Variants in ACACA observed in about 807,000 individuals in gnomAD.
The protein encoded by ACACA is acetyl-CoA carboxylase 1.
In ACACA, 103 loss-of-function variants were observed where a neutral mutation model predicts 296.1. That is an observed-to-expected ratio of 0.35 (90% CI 0.30 to 0.41). The LOEUF is 0.41. Ranked by LOEUF, ACACA falls within the 10% of genes least tolerant of loss-of-function variation. The probability of loss-of-function intolerance (pLI) is 1.00; values close to 1 mark genes in which losing one functional copy is unlikely to be tolerated. For synonymous variants in ACACA, 953 were observed against 1,038.6 expected, an observed-to-expected ratio of 0.92 and a Z score of 1.58; for missense variants, 1,554 against 2,989.7, an observed-to-expected ratio of 0.52 and a Z score of 11.20.
rs953300458 is a variant in ACACA, at chr17:37,265,260, T to C, written c.1120-1366A>G. On this transcript the variant is annotated intron_variant, in intron 10 of 55. Transcript: ENST00000616317. ...AACAGCAAAGTCACATTGCAAAGGGTGTACATACAGGAATGGGAGGAGTTA... is the reference window on the plus strand; with the variant it reads ...AACAGCAAAGTCACATTGCAAAGGGCGTACATACAGGAATGGGAGGAGTTA... 2.0e-5 allele frequency among the ~76,000 whole-genome samples: 3 copies of C among 152,092 alleles called. No homozygotes were observed. In the East Asian group the frequency reaches 5.8e-4, roughly 29 times the overall value.
chr17:37,207,885 A>G, intron 30 of ACACA, 85 bp from the exon 31 acceptor site: 1 of 1,526,564 alleles, frequency 6.6e-7, no homozygotes, highest in Admixed American at 1.7e-5. Flanking sequence ...AGGAACTAGG[A>G]GAAAACTCTG....
At chr17:37,210,883 TAG>T (rs1451920448) in intron 29 of ACACA, among the ~76,000 whole-genome samples, 2 of 152,134 alleles carry the variant, frequency 1.3e-5, no homozygotes, top group African/African-American at 4.8e-5. Flanking sequence ...ACAGGATTCT[TAG>T]AGACTCTTCT....
At chr17:37,329,660 G>A (rs1034814859) in intron 3 of ACACA, among the ~76,000 whole-genome samples, 33 of 129,236 alleles carry the variant, frequency 2.6e-4, no homozygotes, top group African/African-American at 1.1e-3. Context: ...AAAAAAAATA[G>A]GCTGGGCGGG....
chr17:37,397,355 C>T (rs183427481), intron 1 of ACACA, among the ~76,000 whole-genome samples: 170 of 152,142 alleles, frequency 1.1e-3, no homozygotes, highest in African/African-American at 3.9e-3. Context: ...TTGTATATCT[C>T]TATATTACTT....
At chr17:37,271,905 A>G (rs2082088835) in intron 9 of ACACA, among the ~76,000 whole-genome samples, 1 of 152,048 alleles carries the variant, frequency 6.6e-6, no homozygotes, top group Non-Finnish European at 1.5e-5. Context: ...CTGAGAGGCA[A>G]AGGTTGCAAT....
chr17:37,297,640 T>G (rs1298914950), intron 3 of ACACA, among the ~76,000 whole-genome samples: 2 of 151,704 alleles, frequency 1.3e-5, no homozygotes, highest in Non-Finnish European at 2.9e-5. Flanking sequence ...CCTCCTGGGT[T>G]TGCTCGATCA....
chr17:37,192,723 C>G (rs1405946428), intron 36 of ACACA, among the ~76,000 whole-genome samples: 1 of 152,084 alleles, frequency 6.6e-6, no homozygotes, highest in African/African-American at 2.4e-5. Context: ...AAAATTTTCT[C>G]ACTTATGATA....
At chr17:37,182,491 G>A (rs913070702) in intron 39 of ACACA, among the ~76,000 whole-genome samples, 27 of 152,024 alleles carry the variant, frequency 1.8e-4, no homozygotes, top group African/African-American at 6.5e-4. Context: ...TATTTCTAGA[G>A]GAGTGCTTCA....
intron 45 of ACACA, among the ~76,000 whole-genome samples, chr17:37,136,052 T>C (rs755716637): frequency 2.8e-5 from 4 of 142,498 alleles, no homozygotes; most frequent in Non-Finnish European, 5.9e-5. Flanking sequence ...CAGCCAATTT[T>C]TAAAAATTTT....
At chr17:37,153,561 C>T (rs1210017635) in intron 43 of ACACA, among the ~76,000 whole-genome samples, 1 of 152,074 alleles carries the variant, frequency 6.6e-6, no homozygotes, top group East Asian at 1.9e-4. Context: ...TGGCTATATC[C>T]AAGCTGATTC....
intron 1 of ACACA, among the ~76,000 whole-genome samples, chr17:37,355,233 A>C (rs1052110747): frequency 6.7e-6 from 1 of 148,976 alleles, no homozygotes; most frequent in Non-Finnish European, 1.5e-5. Context: ...ACAAAGTGAG[A>C]CTCCATCTCC....
rs2075701878 is a variant in ACACA at position 37,143,795 on chromosome 17, GCTTTC to G, written c.5679+6064_5679+6068del. 9 of 1,146,070 alleles carry G rather than the reference GCTTTC, an allele frequency of 7.9e-6. No homozygotes were observed. In the South Asian group the frequency reaches 1.1e-4, roughly 14 times the overall value. 71.0% of individuals were successfully genotyped at this position (1,146,070 alleles called of 1,614,324 possible). A position where few individuals can be genotyped will look rare whatever the true frequency, so the allele number is the denominator to read the frequency against. On this transcript the variant is annotated intron_variant, in intron 45 of 55. Coordinates refer to ENST00000616317, the MANE Select transcript of ACACA (RefSeq NM_198834.3). ...GCAACTCCCTTTTTTGCTGCATCAG[GCTTTC>G]CTTTAGCTCAATATGCAGCAGTATC...
chr17:37,274,717 T>G, intron 8 of ACACA: 2 of 973,824 alleles, frequency 2.1e-6, no homozygotes, highest in Non-Finnish European at 2.4e-6. Flanking sequence ...GCGGTTTTAT[T>G]GGCCTCAGCA....
chr17:37,236,208 A>G (rs1019418791), intron 24 of ACACA, among the ~76,000 whole-genome samples: 2 of 152,236 alleles, frequency 1.3e-5, no homozygotes, highest in African/African-American at 4.8e-5. Context: ...AGAGATTGAC[A>G]TAAGCAATTT....
At chr17:37,371,249 T>C (rs996640539) in intron 1 of ACACA, among the ~76,000 whole-genome samples, 2 of 151,690 alleles carry the variant, frequency 1.3e-5, no homozygotes, top group Admixed American at 6.6e-5. Context: ...CTGGCTAATT[T>C]TGTATTTTTA....
chr17:37,265,842 T>C (rs2081742172), intron 10 of ACACA, among the ~76,000 whole-genome samples: 1 of 152,170 alleles, frequency 6.6e-6, no homozygotes, highest in Admixed American at 6.5e-5. Flanking sequence ...AATCCCTCTT[T>C]TTATTTGAAA....
chr17:37,248,308 G>T, intron 17 of ACACA, 152 bp from the exon 18 acceptor site: 3 of 1,037,040 alleles, frequency 2.9e-6, no homozygotes, highest in Non-Finnish European at 4.3e-6. Flanking sequence ...TGTGGACATG[G>T]CTCAGTCCTG....
intron 1 of ACACA, among the ~76,000 whole-genome samples, chr17:37,359,489 A>G (rs899645967): frequency 6.6e-6 from 1 of 151,908 alleles, no homozygotes; most frequent in Non-Finnish European, 1.5e-5. Flanking sequence ...CCCTTCTGCC[A>G]CAGCCGGGTA....
At position 37,318,538 on chromosome 17, in the gene ACACA, G is replaced by A. The variant is rs1461535684; in HGVS notation, c.338+11635C>T. ...TTACAGGCGTGAGCCACCGCGCCTG[G>A]CCTCCTGCATTTTCAATAGTGGTTA... On this transcript the variant is annotated intron_variant, in intron 3 of 55. Transcript: ENST00000616317. Among the ~76,000 whole-genome samples the A allele has an allele frequency of 2.0e-5, 3 of 152,136 alleles. No homozygotes were observed. The East Asian group carries it at 5.8e-4, about 29-fold the overall frequency.
Sources: gnomAD v4.1 joint callset for allele counts (sites outside exome capture counted in the v4.1 genomes callset) on GRCh38, gnomAD v4.1.1 for gene constraint, MANE v1.5 for transcripts, NCBI Gene and HGNC (gene_info 2026-07-23, HGNC 2026-07-21) for gene names.